NIPBL: variants seen among roughly 807,000 people sequenced by gnomAD.
NIPBL encodes nipped-B-like protein.
A neutral mutation model predicts 321.8 loss-of-function variants in NIPBL; 19 were observed. That is an observed-to-expected ratio of 0.06 (90% CI 0.04 to 0.09). NIPBL has a LOEUF of 0.09. Ranked by LOEUF, NIPBL falls within the 10% of genes least tolerant of loss-of-function variation. The pLI is 1.00. For missense variants in NIPBL, 2,210 were observed against 3,327.0 expected (o/e 0.66, Z 8.26); for synonymous variants, 1,106 against 1,114.1 (o/e 0.99, Z 0.14).
chr5:37,045,599 TA>T lies in NIPBL; in HGVS notation c.6498+5del. ...GAAGATTTTAAAGGCAACAGCAAGG[TA>T]AAGGTAGTAATACTTAAAATGCTAT... On this transcript the variant is annotated splice_donor_region_variant and intron_variant, in intron 37 of 46. Coordinates refer to ENST00000282516, the MANE Select transcript of NIPBL (RefSeq NM_133433.4). 6.2e-7 allele frequency: 1 copy of T among 1,613,438 alleles called. No individual in the cohort carries two copies. Among genetic ancestry groups the T allele is most frequent in the African/African-American group, 1.3e-5 (1 of 75,016 alleles).
At chr5:36,907,505 A>G (rs1173061419) in intron 1 of NIPBL, among the ~76,000 whole-genome samples, 1 of 152,208 alleles carries the variant, frequency 6.6e-6, no homozygotes, top group East Asian at 1.9e-4. Flanking sequence ...AAAAGGAACT[A>G]AAGTTATAGC....
rs1755067134 is a variant in NIPBL, at chr5:37,063,775, ATC to A, written c.7861-13_7861-12del. On this transcript the variant is annotated splice_polypyrimidine_tract_variant and intron_variant, in intron 45 of 46. Transcript: ENST00000282516. ...TATTTACTTAAAATTCTGAAATAAT[ATC>A]TGTTTTTTGTAGTTCAAACTTCTCA... 1.2e-6 allele frequency: 2 copies of A among 1,605,264 alleles called. No homozygotes were observed. The highest frequency in any genetic ancestry group is 1.7e-6 in the Non-Finnish European group (2 of 1,174,756).
chr5:36,961,259 T>C (rs922327814), intron 4 of NIPBL, among the ~76,000 whole-genome samples: 4 of 152,200 alleles, frequency 2.6e-5, no homozygotes, highest in Non-Finnish European at 5.9e-5. Context: ...TTTAAAATAT[T>C]ATAATCTCTG....
chr5:36,887,722 A>G (rs1746022800), intron 1 of NIPBL, among the ~76,000 whole-genome samples: 1 of 152,038 alleles, frequency 6.6e-6, no homozygotes, highest in Non-Finnish European at 1.5e-5. Context: ...GTTACATGCT[A>G]CCTGTGTGCT....
intron 9 of NIPBL, among the ~76,000 whole-genome samples, chr5:36,982,428 C>G (rs1195563725): frequency 6.6e-6 from 1 of 151,578 alleles, no homozygotes; most frequent in African/African-American, 2.4e-5. Context: ...CTTGACATAC[C>G]TAAGAATCCT....
At chr5:37,001,130 T>C (rs1252333913) in intron 14 of NIPBL, 52 bp downstream of exon 14, 11 of 1,197,294 alleles carry the variant, frequency 9.2e-6, no homozygotes, top group Non-Finnish European at 1.4e-5. Context: ...CTTAACTGTA[T>C]CCTCTAGAGT....
At chr5:36,915,588 A>G (rs1748397971) in intron 1 of NIPBL, among the ~76,000 whole-genome samples, 1 of 152,178 alleles carries the variant, frequency 6.6e-6, no homozygotes, top group Non-Finnish European at 1.5e-5. Flanking sequence ...AAGCTATATC[A>G]TAACTATGGA....
At chr5:36,906,331 C>T (rs58498167) in intron 1 of NIPBL, among the ~76,000 whole-genome samples, 1,648 of 152,082 alleles carry the variant, frequency 0.011, 37 homozygotes, top group African/African-American at 0.038. Flanking sequence ...GACAGTGATA[C>T]GAATAATATT....
intron 37 of NIPBL, 97 bp from the exon 38 acceptor site, chr5:37,046,012 C>G: frequency 1.4e-6 from 1 of 707,618 alleles, no homozygotes; most frequent in Non-Finnish European, 2.6e-6. Flanking sequence ...AAAGTTCACA[C>G]AAATTCTCAT....
intron 40 of NIPBL, 109 bp from the exon 41 acceptor site, chr5:37,051,670 C>G: frequency 1.4e-6 from 1 of 731,266 alleles, no homozygotes; most frequent in Non-Finnish European, 2.5e-6. Flanking sequence ...TATAGGAAGG[C>G]CTATAAGGTT....
intron 8 of NIPBL, among the ~76,000 whole-genome samples, chr5:36,973,097 T>A (rs1286763246): frequency 6.6e-6 from 1 of 152,196 alleles, no homozygotes; most frequent in Non-Finnish European, 1.5e-5. Context: ...AAAATTGTAG[T>A]CAAATAGCTT....
Position 37,000,896 on chromosome 5 carries a change from GTTAGT to G in NIPBL, c.3574+12_3574+16del, listed in dbSNP as rs1487150947. On this transcript the variant is annotated intron_variant, in intron 13 of 46. Transcript: ENST00000282516. ...CAAAACTAACACCTGAAGGTAACAC[GTTAGT>G]TTATTTAATTTGTCTTTATTCATAT... The G allele has an allele frequency of 2.4e-5, 38 of 1,607,344 alleles. No individual in the cohort carries two copies. Among genetic ancestry groups the G allele is most frequent in the Non-Finnish European group, 3.2e-5 (37 of 1,174,448 alleles).
At chr5:37,002,279 T>G (rs566544079) in intron 14 of NIPBL, among the ~76,000 whole-genome samples, 112 of 152,244 alleles carry the variant, frequency 7.4e-4, no homozygotes, top group Admixed American at 3.0e-3. Flanking sequence ...ATATAAATAC[T>G]TTGACCTTAC....
intron 6 of NIPBL, among the ~76,000 whole-genome samples, chr5:36,963,211 T>G (rs772900429): frequency 3.0e-4 from 45 of 152,278 alleles, no homozygotes; most frequent in Non-Finnish European, 5.1e-4. Flanking sequence ...AAAGAAATTT[T>G]TTAAAGCAGA....
At position 36,973,560 on chromosome 5, in the gene NIPBL, C is replaced by T. The variant is rs113282294; in HGVS notation, c.868+1519C>T. 8.4e-3 allele frequency among the ~76,000 whole-genome samples: 1,272 copies of T among 152,116 alleles called. 21 individuals carry two copies. Among genetic ancestry groups the T allele is most frequent in the African/African-American group, 0.029 (1,195 of 41,500 alleles). ...TCGGCTCACTGCAATCTCCACCTCC[C>T]GGGTTCAAACGATTCTCCTGCCTCA... On this transcript the variant is annotated intron_variant, in intron 8 of 46. Coordinates refer to ENST00000282516, the MANE Select transcript of NIPBL (RefSeq NM_133433.4).
At chr5:36,902,041 C>G (rs1272285358) in intron 1 of NIPBL, among the ~76,000 whole-genome samples, 1 of 150,748 alleles carries the variant, frequency 6.6e-6, no homozygotes, top group East Asian at 1.9e-4. Flanking sequence ...TGCTTATTGG[C>G]GGTATGTATG....
Position 36,976,155 on chromosome 5 carries a change from T to C in NIPBL, c.1248T>C (p.Ala416=). The change falls in exon 9 of 47, where the codon GCT becomes GCC. Residue 416 remains alanine (A), a synonymous_variant. Transcript: ENST00000282516. ...AAGATATAAACCGCCCACTAAATGC[T>C]GCTCAATGTTTGTCGCAGCAAGAAC... The part of the protein sequence containing the change: ...TPQDINRPLN[A]AQCLSQQEQT... 6.2e-7 allele frequency: 1 copy of C among 1,613,206 alleles called. No homozygotes were observed. The highest frequency in any genetic ancestry group is 8.5e-7 in the Non-Finnish European group (1 of 1,179,370).
chr5:37,062,382 A>G (rs1754816332), intron 45 of NIPBL, among the ~76,000 whole-genome samples: 1 of 151,796 alleles, frequency 6.6e-6, no homozygotes, highest in Admixed American at 6.6e-5. Flanking sequence ...AGTAATGCCA[A>G]TATATATATA....
At chr5:37,037,629 CTTTT>C (rs74479675) in intron 33 of NIPBL, among the ~76,000 whole-genome samples, 1 of 135,210 alleles carries the variant, frequency 7.4e-6, no homozygotes, top group Admixed American at 7.5e-5. Context: ...TTTATGCAGT[CTTTT>C]TTTTTTTTTT....
Sources: allele counts gnomAD v4.1 joint callset (sites outside exome capture counted in the v4.1 genomes callset), GRCh38; gene constraint gnomAD v4.1.1; transcripts MANE v1.5; gene names NCBI Gene and HGNC (gene_info 2026-07-23, HGNC 2026-07-21).